FKBP4: variants seen among roughly 807,000 people sequenced by gnomAD.
The protein encoded by FKBP4 is FKBP prolyl isomerase 4, also known as peptidyl-prolyl cis-trans isomerase FKBP4.
FKBP4 carries 28 observed loss-of-function variants against 54.1 expected under a neutral mutation model. The observed-to-expected ratio is 0.52, with a 90% CI of 0.38 to 0.71. FKBP4 has a LOEUF of 0.71. FKBP4 is among the 30% of genes least tolerant of loss of function. The pLI, the probability that FKBP4 is intolerant of heterozygous loss-of-function variation, is 0.00. For missense variants in FKBP4, 493 were observed against 574.4 expected (o/e 0.86, Z 1.45); for synonymous variants, 223 against 216.1 (o/e 1.03, Z -0.28).
Position 2,800,049 on chromosome 12 carries a change from CT to C in FKBP4, c.775del (p.Trp259GlyfsTer3). ...CCTGGGGTGTGGCAGGCCAAGGAGTCTTGGGAGATGAATTCAGAAGAGAAGC... is the reference window on the plus strand; with the variant it reads ...CCTGGGGTGTGGCAGGCCAAGGAGTCTGGGAGATGAATTCAGAAGAGAAGC... ...HLKSFEKAKE[S>X]WEMNSEEKLE... On this transcript the variant is annotated frameshift_variant, in exon 7 of 10. Coordinates refer to ENST00000001008, the MANE Select transcript of FKBP4 (RefSeq NM_002014.4). LOFTEE classifies it high-confidence loss of function. 1 of 1,614,140 alleles carries C rather than the reference CT, an allele frequency of 6.2e-7. No homozygotes were observed. The highest frequency in any genetic ancestry group is 1.7e-4 in the Middle Eastern group (1 of 6,052).
chr12:2,797,418 T>TC, intron 2 of FKBP4, 136 bp downstream of exon 2: 4 of 1,096,240 alleles, frequency 3.6e-6, no homozygotes, highest in Non-Finnish European at 5.3e-6. Flanking sequence ...TCACTCTTTT[T>TC]TTTTTTTTTC....
chr12:2,801,551 C>T, intron 9 of FKBP4, 195 bp downstream of exon 9: 1 of 772,862 alleles, frequency 1.3e-6, no homozygotes, highest in Non-Finnish European at 2.1e-6. Context: ...TACCCACAAG[C>T]CCCAGAAGTT....
chr12:2,798,916 A>G lies in FKBP4; in HGVS notation c.514+90A>G, dbSNP rs964903572. 6 of 1,480,744 alleles carry G rather than the reference A, an allele frequency of 4.1e-6. No homozygotes were observed. The East Asian group carries it at 6.9e-5, about 17-fold the overall frequency. 91.7% of individuals were successfully genotyped at this position (1,480,744 alleles called of 1,614,324 possible). ...CAAGACACTTCCGTTCTCCGAGCCT[A>G]TCTTCTTGTCCATAAAATGAGGGGT... On this transcript the variant is annotated intron_variant, in intron 4 of 9. Transcript: ENST00000001008. The surrounding 1 kb of genome is among the most constrained non-coding windows in gnomAD (Gnocchi z 4.3).
intron 8 of FKBP4, 21 bp from the exon 9 acceptor site, chr12:2,801,096 C>T (rs376673293): frequency 3.7e-6 from 6 of 1,612,670 alleles, no homozygotes; most frequent in Non-Finnish European, 5.1e-6. Context: ...CACAATGTGG[C>T]TTCCTCTCTG....
chr12:2,799,739 C>A (rs2097903716), intron 5 of FKBP4, 111 bp from the exon 6 acceptor site: 1 of 898,116 alleles, frequency 1.1e-6, no homozygotes, highest in Admixed American at 2.1e-5. Flanking sequence ...ACATTTGAAC[C>A]AAGTCTCAAG....
intron 1 of FKBP4, chr12:2,796,217 C>T (rs960037749): frequency 4.7e-6 from 6 of 1,288,872 alleles, no homozygotes; most frequent in Non-Finnish European, 6.1e-6. Context: ...CGGCACCCAC[C>T]TCAGGGGGCC....
intron 1 of FKBP4, chr12:2,796,014 T>G (rs1397427005): frequency 1.7e-6 from 2 of 1,151,316 alleles, no homozygotes; most frequent in Non-Finnish European, 2.2e-6. Flanking sequence ...TGCCGCCGAG[T>G]GACCGCTCGA....
At chr12:2,801,764 A>G in intron 9 of FKBP4, 1 of 353,566 alleles carries the variant, frequency 2.8e-6, no homozygotes, top group Non-Finnish European at 5.7e-6. Context: ...AAAAAAAGAA[A>G]AGCGAGATGC....
chr12:2,798,588 T>C lies in FKBP4; in HGVS notation c.394-118T>C. ...GCCACTCTACCCAACTCCTTGTGAC[T>C]GCCCTTGTGGTCAGATCCGGCCTGG... On this transcript the variant is annotated intron_variant, in intron 3 of 9. Transcript: ENST00000001008. The surrounding 1 kb of genome is among the most constrained non-coding windows in gnomAD (Gnocchi z 4.3). 1 of 1,544,930 alleles carries C rather than the reference T, an allele frequency of 6.5e-7. No individual in the cohort carries two copies.
chr12:2,797,975 A>G (rs2097902819), intron 3 of FKBP4, 104 bp downstream of exon 3: 25 of 1,415,716 alleles, frequency 1.8e-5, no homozygotes, highest in Non-Finnish European at 2.2e-5. Context: ...CAATGTAGCC[A>G]AGGCTGAGGG....
chr12:2,803,630 GT>G lies in FKBP4; in HGVS notation c.*376del. 5.5e-6 allele frequency: 1 copy of G among 180,518 alleles called. No individual in the cohort carries two copies. The highest frequency in any genetic ancestry group is 1.2e-5 in the Non-Finnish European group (1 of 83,754). 11.2% of individuals were successfully genotyped at this position (180,518 alleles called of 1,614,324 possible). A position where few individuals can be genotyped will look rare whatever the true frequency, so the allele number is the denominator to read the frequency against. ...TGGAGAGGGAGACTCCTGGGCAGCC[GT>G]TTTCCTCATCCTTTCCCTCTCCCAG... On this transcript the variant is annotated 3_prime_UTR_variant, in exon 10 of 10. Transcript: ENST00000001008.
rs1361881743 is a variant in FKBP4 at position 2,805,152 on chromosome 12, A to G, written c.*1894A>G. On this transcript the variant is annotated 3_prime_UTR_variant, in exon 10 of 10. Coordinates refer to ENST00000001008, the MANE Select transcript of FKBP4 (RefSeq NM_002014.4). ...ATCCTACAAAGAAGGTATAACTTTA[A>G]TAACCCTATTTACAGATAAGAAAAC... 2.2e-6 allele frequency: 1 copy of G among 456,088 alleles called. No individual in the cohort carries two copies. The highest frequency in any genetic ancestry group is 4.4e-6 in the Non-Finnish European group (1 of 226,802). The allele number at this position is 456,088 out of a possible 1,614,324, so 28.3% of individuals were successfully genotyped here.
In FKBP4 at chr12:2,795,690, G is replaced by T. The variant is rs1290612802; in HGVS notation, c.105+446G>T. 6.6e-6 allele frequency: 1 copy of T among 151,058 alleles called. No homozygotes were observed. Among genetic ancestry groups the T allele is most frequent in the Non-Finnish European group, 1.5e-5 (1 of 67,536 alleles). The allele number at this position is 151,058 out of a possible 1,614,324, so 9.4% of individuals were successfully genotyped here. ...CTGCCAGCCGCGGGCCGCCTCGTTGGTGGCGGTGCCAGGGCTCGCCCACCC... is the reference window on the plus strand; with the variant it reads ...CTGCCAGCCGCGGGCCGCCTCGTTGTTGGCGGTGCCAGGGCTCGCCCACCC... On this transcript the variant is annotated intron_variant, in intron 1 of 9. Coordinates refer to ENST00000001008, the MANE Select transcript of FKBP4 (RefSeq NM_002014.4). This position sits in a 1 kb window ranked among gnomAD's most constrained non-coding sequence, Gnocchi z 4.3.
In FKBP4 at chr12:2,795,258, G is replaced by A. The variant is rs764065995; in HGVS notation, c.105+14G>A. 128 of 1,294,644 alleles carry A rather than the reference G, an allele frequency of 9.9e-5. No individual in the cohort carries two copies. Among genetic ancestry groups the A allele is most frequent in the Non-Finnish European group, 1.2e-4 (121 of 1,010,406 alleles). 80.2% of individuals were successfully genotyped at this position (1,294,644 alleles called of 1,614,324 possible). ...GGCGTGCTGAAGGTGAGGGGCGGCGGGGCCTGCGGAGGCGTCGGAACCCGG... is the reference window on the plus strand; with the variant it reads ...GGCGTGCTGAAGGTGAGGGGCGGCGAGGCCTGCGGAGGCGTCGGAACCCGG... On this transcript the variant is annotated intron_variant, in intron 1 of 9. Coordinates refer to ENST00000001008, the MANE Select transcript of FKBP4 (RefSeq NM_002014.4). The surrounding 1 kb of genome is among the most constrained non-coding windows in gnomAD (Gnocchi z 4.3).
intron 9 of FKBP4, chr12:2,801,687 G>A (rs1036811082): frequency 8.3e-6 from 4 of 482,386 alleles, no homozygotes; most frequent in African/African-American, 3.9e-5. Context: ...CCAGTAGGTA[G>A]AGACCTCAGT....
chr12:2,800,249 A>G (rs1354989801), intron 7 of FKBP4, 127 bp downstream of exon 7: 1 of 1,360,630 alleles, frequency 7.3e-7, no homozygotes, highest in Non-Finnish European at 1.0e-6. Flanking sequence ...TCTTCACTTC[A>G]TATATGTGAG....
In FKBP4 at chr12:2,798,707, T is replaced by A; in HGVS notation, c.395T>A (p.Val132Glu). The A allele has an allele frequency of 1.2e-6, 2 of 1,613,316 alleles. No individual in the cohort carries two copies. Among genetic ancestry groups the A allele is most frequent in the Non-Finnish European group, 1.7e-6 (2 of 1,179,960 alleles). Residue 132 changes from valine to glutamate, a missense_variant and splice_region_variant, in exon 4 of 10, where the codon GTG becomes GAG. Coordinates refer to ENST00000001008, the MANE Select transcript of FKBP4 (RefSeq NM_002014.4). This position sits in a 1 kb window ranked among gnomAD's most constrained non-coding sequence, Gnocchi z 4.3. ...IPPNATLVFE[V>E]ELFEFKGEDL... ...ATTGTGTCACATCTTGTCCCACAGG[T>A]GGAGTTGTTTGAGTTTAAGGGAGAA...
intron 5 of FKBP4, 95 bp from the exon 6 acceptor site, chr12:2,799,755 G>A (rs1565397198): frequency 9.5e-7 from 1 of 1,047,720 alleles, no homozygotes; most frequent in African/African-American, 1.6e-5. Flanking sequence ...TCAAGGGATG[G>A]GAAGGTACTT....
At position 2,795,907 on chromosome 12, in the gene FKBP4, G is replaced by T; in HGVS notation, c.105+663G>T. 1.0e-6 allele frequency: 1 copy of T among 982,344 alleles called. No homozygotes were observed. Among genetic ancestry groups the T allele is most frequent in the African/African-American group, 1.7e-5 (1 of 57,218 alleles). 60.9% of individuals were successfully genotyped at this position (982,344 alleles called of 1,614,324 possible). On this transcript the variant is annotated intron_variant, in intron 1 of 9. Coordinates refer to ENST00000001008, the MANE Select transcript of FKBP4 (RefSeq NM_002014.4). This position sits in a 1 kb window ranked among gnomAD's most constrained non-coding sequence, Gnocchi z 4.3. ...TCGGCCCCGGGGAGGCCGGGCGCGG[G>T]GCATGCCGGGAGCTGTAGTCCCCTC... is the stretch of plus-strand genomic sequence containing the variant.
Sources: gnomAD v4.1 joint callset for allele counts on GRCh38, gnomAD v4.1.1 for gene constraint, Gnocchi (gnomAD v3.1) non-coding constraint, MANE v1.5 for transcripts, NCBI Gene and HGNC (gene_info 2026-07-23, HGNC 2026-07-21) for gene names.